ATP8B4: variants seen among roughly 807,000 people sequenced by gnomAD.
ATP8B4 encodes the protein probable phospholipid-transporting ATPase IM.
A neutral mutation model predicts 145.6 loss-of-function variants in ATP8B4; 133 were observed. The observed-to-expected ratio is 0.91, with a 90% CI of 0.79 to 1.05. ATP8B4 has a LOEUF of 1.05. Ranked by LOEUF, ATP8B4 falls within the 50% of genes least tolerant of loss-of-function variation. The pLI is 0.00. For missense variants in ATP8B4, 1,458 were observed against 1,425.2 expected (o/e 1.02, Z -0.37); for synonymous variants, 507 against 492.9 (o/e 1.03, Z -0.38).
intron 2 of ATP8B4, among the ~76,000 whole-genome samples, chr15:50,080,089 G>A (rs942130849): frequency 6.6e-6 from 1 of 152,138 alleles, no homozygotes; most frequent in African/African-American, 2.4e-5. Context: ...CCAGAATATA[G>A]AAAAATAGAT....
chr15:50,177,843 G>A (rs568834549), intron 1 of ATP8B4, among the ~76,000 whole-genome samples: 33 of 152,156 alleles, frequency 2.2e-4, no homozygotes, highest in Non-Finnish European at 4.4e-4. Context: ...TCTCAGACTT[G>A]TAAAGTTTGA....
At chr15:50,150,952 T>A (rs886085457) in intron 1 of ATP8B4, among the ~76,000 whole-genome samples, 2 of 152,322 alleles carry the variant, frequency 1.3e-5, no homozygotes, top group Non-Finnish European at 2.9e-5. Context: ...TGGATTCCTG[T>A]CCTAACATCT....
Position 50,016,521 on chromosome 15 carries a change from C to T in ATP8B4, c.363-5604G>A, listed in dbSNP as rs78940403. 7.4e-3 allele frequency among the ~76,000 whole-genome samples: 1,134 copies of T among 152,266 alleles called. 8 individuals are homozygous for T. The highest frequency in any genetic ancestry group is 0.012 in the Non-Finnish European group (818 of 68,010). ...ACACCTGTAAGAGAGGAAAGAAGCA[C>T]TGCTGGACAGAGGGAGCAGTTGGGC... On this transcript the variant is annotated intron_variant, in intron 6 of 27. Coordinates refer to ENST00000284509, the MANE Select transcript of ATP8B4 (RefSeq NM_024837.4).
intron 23 of ATP8B4, among the ~76,000 whole-genome samples, chr15:49,887,663 GAAA>G (rs770772653): frequency 1.4e-5 from 2 of 139,054 alleles, no homozygotes; most frequent in Non-Finnish European, 3.1e-5. Flanking sequence ...TCACAGATCA[GAAA>G]AAAAAAAAAC....
At chr15:49,916,858 C>T in intron 20 of ATP8B4, 76 bp downstream of exon 20, 3 of 1,368,908 alleles carry the variant, frequency 2.2e-6, no homozygotes, top group Non-Finnish European at 3.1e-6. Context: ...TAGCTTTTCA[C>T]TTTCTCAACT....
In ATP8B4 at chr15:49,982,236, T is replaced by G. The variant is rs183798977; in HGVS notation, c.749-942A>C. Among the ~76,000 whole-genome samples, 259 of 152,270 alleles carry G rather than the reference T, an allele frequency of 1.7e-3. 2 individuals carry two copies. The highest frequency in any genetic ancestry group is 6.0e-3 in the African/African-American group (249 of 41,560). On this transcript the variant is annotated intron_variant, in intron 10 of 27. Transcript: ENST00000284509. ...AGGACAGGCACATCCTTAAAAGACT[T>G]TTCTTTATGTAAAAGAAAAAAAGAA...
Position 49,920,344 on chromosome 15 carries a change from T to C in ATP8B4, c.1825A>G (p.Lys609Glu), listed in dbSNP as rs376388459. The C allele has an allele frequency of 3.1e-6, 5 of 1,614,116 alleles. No homozygotes were observed. The highest frequency in any genetic ancestry group is 4.2e-6 in the Non-Finnish European group (5 of 1,180,048). Residue 609 changes from lysine to glutamate, a missense_variant, in exon 18 of 28, where the codon AAA (lysine) becomes GAA (glutamate). Physicochemically the swap from Lys to Glu is moderately conservative, Grantham distance 56. Transcript: ENST00000284509. ...TCTTCAAGCATCTTATGCCACTCTTTAAAGTACTTGTCATCCAGGTCTCTG... is the reference window on the plus strand; with the variant it reads ...TCTTCAAGCATCTTATGCCACTCTTCAAAGTACTTGTCATCCAGGTCTCTG... ...AYRDLDDKYF[K>E]EWHKMLEDAN...
chr15:49,926,247 T>A (rs2040712339), intron 16 of ATP8B4, among the ~76,000 whole-genome samples: 1 of 152,056 alleles, frequency 6.6e-6, no homozygotes, highest in Admixed American at 6.6e-5. Flanking sequence ...CATATTACCC[T>A]CCTCCAATAA....
chr15:50,124,868 T>C (rs2057297332), intron 1 of ATP8B4, among the ~76,000 whole-genome samples: 1 of 152,234 alleles, frequency 6.6e-6, no homozygotes, highest in South Asian at 2.1e-4. Context: ...GACCCAGCTT[T>C]AAACCAGACA....
chr15:50,156,780 A>G (rs1299930740), intron 1 of ATP8B4, among the ~76,000 whole-genome samples: 1 of 152,198 alleles, frequency 6.6e-6, no homozygotes, highest in Non-Finnish European at 1.5e-5. Flanking sequence ...GCATGACTTA[A>G]TGTTTGAGAT....
intron 23 of ATP8B4, among the ~76,000 whole-genome samples, chr15:49,887,436 T>C (rs1327164199): frequency 1.3e-5 from 2 of 151,948 alleles, no homozygotes; most frequent in African/African-American, 2.4e-5. Context: ...TTTTCAGATT[T>C]CTAGGTCGAC....
intron 3 of ATP8B4, among the ~76,000 whole-genome samples, chr15:50,072,299 A>C (rs1397731976): frequency 1.3e-5 from 2 of 152,162 alleles, no homozygotes; most frequent in Non-Finnish European, 2.9e-5. Context: ...TGGTAAACTC[A>C]ATCATACAAC....
intron 9 of ATP8B4, among the ~76,000 whole-genome samples, chr15:49,993,589 T>C (rs938300355): frequency 1.3e-5 from 2 of 152,100 alleles, no homozygotes; most frequent in South Asian, 2.1e-4. Flanking sequence ...CTGGGGGGAA[T>C]CTAATTTGTA....
chr15:49,902,708 C>T (rs1347476389), intron 20 of ATP8B4, among the ~76,000 whole-genome samples: 1 of 152,178 alleles, frequency 6.6e-6, no homozygotes, highest in African/African-American at 2.4e-5. Flanking sequence ...ACTTTCCCAT[C>T]AGATAACTAT....
intron 6 of ATP8B4, among the ~76,000 whole-genome samples, chr15:50,022,008 G>A (rs184437818): frequency 1.3e-5 from 2 of 152,138 alleles, no homozygotes; most frequent in Non-Finnish European, 2.9e-5. Flanking sequence ...TCTGGAAAGA[G>A]GGTAAGGACA....
chr15:49,919,087 G>A (rs1192650337), intron 18 of ATP8B4, 137 bp from the exon 19 acceptor site: 2 of 656,260 alleles, frequency 3.0e-6, no homozygotes, highest in Non-Finnish European at 5.0e-6. Flanking sequence ...GATATAGCAG[G>A]CATCCTATTT....
intron 5 of ATP8B4, among the ~76,000 whole-genome samples, chr15:50,043,629 A>C (rs544101062): frequency 2.2e-4 from 34 of 152,068 alleles, no homozygotes; most frequent in Non-Finnish European, 4.1e-4. Context: ...TCTTAATAAC[A>C]TTTTCTTTTC....
At chr15:49,917,298 C>A in intron 19 of ATP8B4, 2 of 398,604 alleles carry the variant, frequency 5.0e-6, no homozygotes, top group Middle Eastern at 6.6e-4. Context: ...ATCTAGTTTT[C>A]AGAAAAACCT....
At chr15:50,038,121 C>CA in intron 6 of ATP8B4, among the ~76,000 whole-genome samples, 1 of 151,894 alleles carries the variant, frequency 6.6e-6, no homozygotes, top group African/African-American at 2.4e-5. Context: ...GGGGGGACAG[C>CA]AAAAAAGAGA....
Sources: gnomAD v4.1 joint callset for allele counts (sites outside exome capture counted in the v4.1 genomes callset) on GRCh38, gnomAD v4.1.1 for gene constraint, MANE v1.5 for transcripts, NCBI Gene and HGNC (gene_info 2026-07-23, HGNC 2026-07-21) for gene names.